Variants in ARHGAP26 observed in about 807,000 individuals in gnomAD.
The protein encoded by ARHGAP26 is Rho GTPase activating protein 26, also known as rho GTPase-activating protein 26.
A neutral mutation model predicts 104.8 loss-of-function variants in ARHGAP26; 38 were observed. That is an observed-to-expected ratio of 0.36 (90% CI 0.28 to 0.48). ARHGAP26 has a LOEUF of 0.48. ARHGAP26 is among the 20% of genes least tolerant of loss of function. ARHGAP26 has a pLI of 0.99. For synonymous variants in ARHGAP26, 341 were observed against 340.0 expected, an observed-to-expected ratio of 1.00 and a Z score of -0.03; for missense variants, 704 against 947.9, an observed-to-expected ratio of 0.74 and a Z score of 3.38.
At chr5:142,967,135 T>G (rs1771501352) in intron 11 of ARHGAP26, among the ~76,000 whole-genome samples, 1 of 152,194 alleles carries the variant, frequency 6.6e-6, no homozygotes, top group Non-Finnish European at 1.5e-5. Flanking sequence ...AAGGTGTTAT[T>G]CTTAATGTTC....
intron 14 of ARHGAP26, among the ~76,000 whole-genome samples, chr5:143,052,088 A>G (rs7727861): frequency 0.035 from 5,336 of 152,298 alleles, 135 homozygotes; most frequent in South Asian, 0.12. Context: ...GACATTTTGG[A>G]TACTGGGAAA....
At chr5:142,929,470 A>G (rs1363429607) in intron 10 of ARHGAP26, among the ~76,000 whole-genome samples, 1 of 152,158 alleles carries the variant, frequency 6.6e-6, no homozygotes, top group African/African-American at 2.4e-5. Context: ...GTAAATATGG[A>G]AAGAAAGTTA....
chr5:142,953,673 A>G (rs984925550), intron 11 of ARHGAP26, among the ~76,000 whole-genome samples: 3 of 152,180 alleles, frequency 2.0e-5, no homozygotes, highest in Non-Finnish European at 2.9e-5. Flanking sequence ...TATGGACAAG[A>G]CTGTCCTTTT....
At chr5:142,824,434 G>C (rs114362328) in intron 1 of ARHGAP26, among the ~76,000 whole-genome samples, 3 of 152,184 alleles carry the variant, frequency 2.0e-5, no homozygotes, top group Non-Finnish European at 4.4e-5. Context: ...AGTACTTACT[G>C]GTTTAGCTGA....
chr5:143,047,126 C>G (rs1176998464), intron 14 of ARHGAP26, among the ~76,000 whole-genome samples: 1 of 152,140 alleles, frequency 6.6e-6, no homozygotes, highest in Non-Finnish European at 1.5e-5. Flanking sequence ...TAATCAGTCC[C>G]CTGTTCTTGG....
chr5:143,198,329 T>A (rs1354785525), intron 20 of ARHGAP26, among the ~76,000 whole-genome samples: 1 of 152,248 alleles, frequency 6.6e-6, no homozygotes, highest in Non-Finnish European at 1.5e-5. Flanking sequence ...AATGCTTTAG[T>A]GTTTTCTTAC....
At chr5:142,887,098 A>C (rs2152409746) in intron 5 of ARHGAP26, among the ~76,000 whole-genome samples, 2 of 152,320 alleles carry the variant, frequency 1.3e-5, no homozygotes, top group East Asian at 3.9e-4. Context: ...CCCACAGCAC[A>C]GTTACCCTGT....
In ARHGAP26 at chr5:143,208,424, G is replaced by A. The variant is rs139601518; in HGVS notation, c.2099+1116G>A. On this transcript the variant is annotated intron_variant, in intron 21 of 22. Transcript: ENST00000645722. ...AGAGGCTTAAATAATTTATGAAGCC[G>A]AGTTTCACTTTTAGAAGAAAAGAAA... Among the ~76,000 whole-genome samples, 634 of 152,138 alleles carry A rather than the reference G, an allele frequency of 4.2e-3. 1 individual carries two copies. The highest frequency in any genetic ancestry group is 7.7e-3 in the Non-Finnish European group (524 of 68,010).
chr5:142,959,719 G>C (rs1769892314), intron 11 of ARHGAP26, among the ~76,000 whole-genome samples: 1 of 152,192 alleles, frequency 6.6e-6, no homozygotes, highest in Admixed American at 6.5e-5. Context: ...AAGCCCATCT[G>C]GATATCTCTG....
chr5:142,930,573 C>T (rs968189308), intron 10 of ARHGAP26, among the ~76,000 whole-genome samples: 3 of 152,008 alleles, frequency 2.0e-5, no homozygotes, highest in Non-Finnish European at 2.9e-5. Flanking sequence ...TAGCTGCCCA[C>T]GCCTCCCACC....
At chr5:143,181,896 C>A (rs1335316266) in intron 20 of ARHGAP26, among the ~76,000 whole-genome samples, 1 of 152,216 alleles carries the variant, frequency 6.6e-6, no homozygotes, top group African/African-American at 2.4e-5. Context: ...TAAACTGTTT[C>A]TCATGGTCTA....
At chr5:142,853,167 C>G (rs1751821470) in intron 1 of ARHGAP26, among the ~76,000 whole-genome samples, 1 of 152,010 alleles carries the variant, frequency 6.6e-6, no homozygotes, top group South Asian at 2.1e-4. Context: ...TTTATGGTAG[C>G]TTAGATTTTA....
chr5:143,220,069 A>G (rs568040551), intron 22 of ARHGAP26, among the ~76,000 whole-genome samples: 1 of 152,344 alleles, frequency 6.6e-6, no homozygotes, highest in South Asian at 2.1e-4. Context: ...GTGGGTGAAC[A>G]GCTAGCCAGG....
intron 1 of ARHGAP26, among the ~76,000 whole-genome samples, chr5:142,841,459 A>G (rs931130260): frequency 6.6e-6 from 1 of 152,190 alleles, no homozygotes; most frequent in African/African-American, 2.4e-5. Context: ...GGAGCTGAGG[A>G]TGCAGCGGTT....
At chr5:143,194,467 A>G (rs554811925) in intron 20 of ARHGAP26, among the ~76,000 whole-genome samples, 64 of 152,362 alleles carry the variant, frequency 4.2e-4, no homozygotes, top group Non-Finnish European at 8.1e-4. Context: ...GTTCACCAAG[A>G]ATAGTTCTCT....
At chr5:143,095,893 A>G (rs1239049285) in intron 17 of ARHGAP26, among the ~76,000 whole-genome samples, 1 of 152,190 alleles carries the variant, frequency 6.6e-6, no homozygotes, top group Non-Finnish European at 1.5e-5. Context: ...TCTTCACTCA[A>G]TCTATTGTCA....
chr5:143,132,256 A>G (rs1327621969), intron 18 of ARHGAP26, among the ~76,000 whole-genome samples: 1 of 152,070 alleles, frequency 6.6e-6, no homozygotes, highest in Non-Finnish European at 1.5e-5. Context: ...TGAAATTCTC[A>G]TAATTCTTAT....
At chr5:142,970,132 T>C (rs1772036393) in intron 11 of ARHGAP26, among the ~76,000 whole-genome samples, 1 of 152,068 alleles carries the variant, frequency 6.6e-6, no homozygotes, top group African/African-American at 2.4e-5. Flanking sequence ...AACATGAGAG[T>C]TGGTTGTAGG....
chr5:142,976,558 C>A (rs905966595), intron 11 of ARHGAP26, among the ~76,000 whole-genome samples: 1 of 152,088 alleles, frequency 6.6e-6, no homozygotes, highest in African/African-American at 2.4e-5. Context: ...ATAGATGTAT[C>A]CATCCAATAT....
Sources: gnomAD v4.1 joint callset for allele counts (sites outside exome capture counted in the v4.1 genomes callset) on GRCh38, gnomAD v4.1.1 for gene constraint, MANE v1.5 for transcripts, NCBI Gene and HGNC (gene_info 2026-07-23, HGNC 2026-07-21) for gene names.